The following BTBD10 variants were observed in gnomAD, a reference collection of about 807,000 sequenced individuals.
BTBD10 encodes BTB/POZ domain-containing protein 10.
In BTBD10, 21 loss-of-function variants were observed where a neutral mutation model predicts 53.2. That is an observed-to-expected ratio of 0.39 (90% CI 0.28 to 0.57). BTBD10 has a LOEUF of 0.57. Ranked by LOEUF, BTBD10 falls within the 20% of genes least tolerant of loss-of-function variation. The probability of loss-of-function intolerance (pLI) is 0.53; values close to 1 mark genes in which losing one functional copy is unlikely to be tolerated. For synonymous variants in BTBD10, 149 were observed against 192.7 expected (o/e 0.77, Z 1.88); for missense variants, 360 against 594.7 (o/e 0.61, Z 4.10).
chr11:13,407,559 C>G (rs190015834), intron 6 of BTBD10, among the ~76,000 whole-genome samples: 7 of 152,276 alleles, frequency 4.6e-5, no homozygotes, highest in African/African-American at 1.7e-4. Flanking sequence ...CTGGATTTCT[C>G]CTTTACCACC....
intron 2 of BTBD10, among the ~76,000 whole-genome samples, chr11:13,436,694 T>C (rs1225431406): frequency 6.6e-6 from 1 of 152,254 alleles, no homozygotes; most frequent in Non-Finnish European, 1.5e-5. Flanking sequence ...AAACCATGTC[T>C]AATTACTTTT....
intron 4 of BTBD10, 54 bp from the exon 5 acceptor site, chr11:13,417,314 GA>G (rs1950138130): frequency 7.8e-7 from 1 of 1,274,394 alleles, no homozygotes; most frequent in Non-Finnish European, 1.1e-6. Context: ...CTTCAAAAGG[GA>G]AAATAGATTT....
At chr11:13,401,122 CAGAT>C (rs1440651645) in intron 8 of BTBD10, among the ~76,000 whole-genome samples, 2 of 149,156 alleles carry the variant, frequency 1.3e-5, no homozygotes, top group Non-Finnish European at 3.0e-5. Context: ...TATTATATAT[CAGAT>C]ATATATATAT....
At chr11:13,443,771 A>G (rs1170060789) in intron 2 of BTBD10, among the ~76,000 whole-genome samples, 1 of 152,060 alleles carries the variant, frequency 6.6e-6, no homozygotes, top group Admixed American at 6.6e-5. Context: ...TTTAGTACAG[A>G]CAGGGTTTTG....
At position 13,455,896 on chromosome 11, in the gene BTBD10, G is replaced by A. The variant is rs369685672; in HGVS notation, c.-58+7196C>T. Among the ~76,000 whole-genome samples the A allele has an allele frequency of 6.6e-5, 10 of 151,512 alleles. No homozygotes were observed. In the East Asian group the frequency reaches 1.7e-3, roughly 26 times the overall value. On this transcript the variant is annotated intron_variant, in intron 1 of 8. Coordinates refer to ENST00000278174, the MANE Select transcript of BTBD10 (RefSeq NM_032320.7). ...TTCCCCTTACCTTCCATTCCTTTCC[G>A]ATTTTTGTCTATCAGCCATCAATTC...
At chr11:13,409,001 C>G (rs1165013712) in intron 6 of BTBD10, among the ~76,000 whole-genome samples, 1 of 152,216 alleles carries the variant, frequency 6.6e-6, no homozygotes, top group South Asian at 2.1e-4. Context: ...GACAGCCTTA[C>G]AGATCATATC....
intron 2 of BTBD10, among the ~76,000 whole-genome samples, chr11:13,430,483 T>C (rs1230319371): frequency 6.6e-6 from 1 of 152,130 alleles, no homozygotes; most frequent in Non-Finnish European, 1.5e-5. Flanking sequence ...TCTTAAGAAA[T>C]TAAACATACT....
At chr11:13,406,405 C>G (rs774910527) in intron 6 of BTBD10, among the ~76,000 whole-genome samples, 1 of 152,152 alleles carries the variant, frequency 6.6e-6, no homozygotes, top group Non-Finnish European at 1.5e-5. Flanking sequence ...AAATGCACAG[C>G]CACAAACTCA....
chr11:13,400,668 C>T (rs1265292355), intron 8 of BTBD10, among the ~76,000 whole-genome samples: 1 of 143,664 alleles, frequency 7.0e-6, no homozygotes, highest in South Asian at 2.3e-4. Context: ...TGGAGCTGTT[C>T]CTATTCGGCC....
rs111605181 is a variant in BTBD10, at chr11:13,443,745, G to A, written c.101+1279C>T. Among the ~76,000 whole-genome samples the A allele has an allele frequency of 1.9e-3, 286 of 151,928 alleles. 1 individual carries two copies. Among genetic ancestry groups the A allele is most frequent in the African/African-American group, 6.7e-3 (276 of 41,438 alleles). ...ATTACAGGTGCATGCCACCATTCCC[G>A]GCTAATTTTTGTATTTTTAGTACAG... On this transcript the variant is annotated intron_variant, in intron 2 of 8. Coordinates refer to ENST00000278174, the MANE Select transcript of BTBD10 (RefSeq NM_032320.7).
chr11:13,415,157 A>G (rs1205174384), intron 5 of BTBD10, among the ~76,000 whole-genome samples: 1 of 128,210 alleles, frequency 7.8e-6, no homozygotes, highest in Admixed American at 9.5e-5. Flanking sequence ...TTTGTTACCT[A>G]GGCTGGAGTG....
At chr11:13,421,578 C>A in intron 3 of BTBD10, 64 bp downstream of exon 3, 1 of 1,398,538 alleles carries the variant, frequency 7.2e-7, no homozygotes, top group Non-Finnish European at 9.8e-7. Context: ...AATGTCATTA[C>A]TACTTTAAAA....
rs1273827465 is a variant in BTBD10 at position 13,399,965 on chromosome 11, G to A, written c.1117+3203C>T. ...GGTGTCAGTCCGCCCCTACTGGGGG[G>A]TGCCTCCCAGTTAGGCTACTCGGGG... On this transcript the variant is annotated intron_variant, in intron 8 of 8. Transcript: ENST00000278174. Among the ~76,000 whole-genome samples the A allele has an allele frequency of 4.6e-5, 7 of 152,320 alleles. No individual in the cohort carries two copies. In the South Asian group the frequency reaches 8.3e-4, roughly 18 times the overall value.
chr11:13,389,177 A>G (rs781693674), intron 8 of BTBD10, 36 bp from the exon 9 acceptor site: 1 of 1,561,420 alleles, frequency 6.4e-7, no homozygotes, highest in South Asian at 1.2e-5. Context: ...CTGAGGAGAC[A>G]CACACAGACC....
intron 1 of BTBD10, among the ~76,000 whole-genome samples, chr11:13,460,214 G>C (rs79237581): frequency 0.017 from 2,521 of 152,270 alleles, 42 homozygotes; most frequent in Admixed American, 0.026. Context: ...ATTCTATGTA[G>C]TCTCTGCACA....
At chr11:13,397,882 T>C (rs931539757) in intron 8 of BTBD10, among the ~76,000 whole-genome samples, 2 of 152,226 alleles carry the variant, frequency 1.3e-5, no homozygotes, top group South Asian at 2.1e-4. Flanking sequence ...TGAGTTCTAG[T>C]TGGATTGCAC....
At chr11:13,400,876 T>C (rs1349590884) in intron 8 of BTBD10, among the ~76,000 whole-genome samples, 3 of 152,116 alleles carry the variant, frequency 2.0e-5, no homozygotes, top group African/African-American at 7.2e-5. Context: ...GACTCTTCAA[T>C]AGGACAATAT....
intron 2 of BTBD10, among the ~76,000 whole-genome samples, chr11:13,424,224 C>T (rs1028880090): frequency 3.3e-5 from 5 of 152,116 alleles, no homozygotes; most frequent in Admixed American, 2.6e-4. Context: ...AAGGTACAAG[C>T]ACAACAACGA....
At chr11:13,455,835 C>T (rs1950954977) in intron 1 of BTBD10, among the ~76,000 whole-genome samples, 1 of 152,100 alleles carries the variant, frequency 6.6e-6, no homozygotes, top group Admixed American at 6.5e-5. Context: ...TTTCATATAA[C>T]CTTTATTATG....
Sources: allele counts gnomAD v4.1 joint callset (sites outside exome capture counted in the v4.1 genomes callset), GRCh38; gene constraint gnomAD v4.1.1; transcripts MANE v1.5; gene names NCBI Gene and HGNC (gene_info 2026-07-23, HGNC 2026-07-21).